The following FAF1 variants were observed in gnomAD, a reference collection of about 807,000 sequenced individuals.
The protein encoded by FAF1 is Fas associated factor 1.
FAF1 carries 25 observed loss-of-function variants against 92.5 expected under a neutral mutation model. The ratio of observed to expected loss-of-function variants is 0.27; its 90% CI spans 0.20 to 0.38. The LOEUF is 0.38. Among genes scored for constraint, FAF1 ranks in the 10% least tolerant of loss-of-function variants. The pLI, the probability that FAF1 is intolerant of heterozygous loss-of-function variation, is 1.00. For synonymous variants in FAF1, 234 were observed against 273.2 expected, an observed-to-expected ratio of 0.86 and a Z score of 1.42; for missense variants, 636 against 793.3, an observed-to-expected ratio of 0.80 and a Z score of 2.38.
intron 7 of FAF1, among the ~76,000 whole-genome samples, chr1:50,692,272 T>C (rs1656969107): frequency 6.6e-6 from 1 of 151,636 alleles, no homozygotes; most frequent in Non-Finnish European, 1.5e-5. Flanking sequence ...TGTGTGTGTG[T>C]GTGTGTGTGT....
intron 6 of FAF1, among the ~76,000 whole-genome samples, chr1:50,736,234 T>C (rs1659130322): frequency 6.6e-6 from 1 of 152,228 alleles, no homozygotes; most frequent in South Asian, 2.1e-4. Context: ...ACACTTAGAA[T>C]CATAATTATC....
chr1:50,530,504 G>C (rs75520406), intron 15 of FAF1, among the ~76,000 whole-genome samples: 1,894 of 151,770 alleles, frequency 0.012, 43 homozygotes, highest in African/African-American at 0.042. Flanking sequence ...GAAGGGTGGT[G>C]GGGGGAGGTG....
chr1:50,829,602 C>T (rs754348211), intron 2 of FAF1, among the ~76,000 whole-genome samples: 6 of 152,198 alleles, frequency 3.9e-5, no homozygotes, highest in South Asian at 2.1e-4. Context: ...GGATTAAAGG[C>T]AGTCAAAGGT....
intron 18 of FAF1, among the ~76,000 whole-genome samples, chr1:50,455,298 T>A (rs569484967): frequency 3.9e-5 from 6 of 152,376 alleles, no homozygotes; most frequent in Non-Finnish European, 7.3e-5. Flanking sequence ...AAACTGGTTC[T>A]GAATTATTAA....
intron 8 of FAF1, among the ~76,000 whole-genome samples, chr1:50,597,512 T>A (rs1352880562): frequency 2.0e-5 from 3 of 152,152 alleles, no homozygotes; most frequent in African/African-American, 7.2e-5. Flanking sequence ...AAAGCAGTAT[T>A]TGTAAATTAA....
chr1:50,775,837 A>C (rs1660938635), intron 4 of FAF1, among the ~76,000 whole-genome samples: 1 of 152,154 alleles, frequency 6.6e-6, no homozygotes, highest in African/African-American at 2.4e-5. Context: ...AGTCAGAAAA[A>C]AATTCTATCA....
At chr1:50,854,886 A>G (rs764024350) in intron 2 of FAF1, among the ~76,000 whole-genome samples, 3 of 151,806 alleles carry the variant, frequency 2.0e-5, no homozygotes, top group Non-Finnish European at 3.0e-5. Context: ...TTGAGTGCCA[A>G]CATGATGTTC....
intron 17 of FAF1, among the ~76,000 whole-genome samples, chr1:50,476,064 A>C (rs1330511225): frequency 6.6e-6 from 1 of 151,862 alleles, no homozygotes; most frequent in East Asian, 1.9e-4. Flanking sequence ...GACACACACA[A>C]ACAGAGATAT....
At chr1:50,526,256 T>C (rs1022185507) in intron 15 of FAF1, among the ~76,000 whole-genome samples, 1 of 151,848 alleles carries the variant, frequency 6.6e-6, no homozygotes, top group Admixed American at 6.6e-5. Context: ...GGCCTGCTCA[T>C]GGTGGCATGA....
rs182070026 is a variant in FAF1 at position 50,742,741 on chromosome 1, G to A, written c.459+1943C>T. The stretch of plus-strand genomic sequence containing the variant: ...TGAATGAATAAATAACTACAAAAGC[G>A]AACTCATTTTGGTGTTTTCTTTCTG... On this transcript the variant is annotated intron_variant, in intron 5 of 18. Transcript: ENST00000396153. 2.7e-3 allele frequency among the ~76,000 whole-genome samples: 406 copies of A among 152,178 alleles called. 3 individuals carry two copies. Among genetic ancestry groups the A allele is most frequent in the South Asian group, 0.016 (76 of 4,818 alleles).
chr1:50,660,376 T>C (rs1219949024), intron 7 of FAF1, among the ~76,000 whole-genome samples: 1 of 152,190 alleles, frequency 6.6e-6, no homozygotes. Context: ...TATCAAACTA[T>C]TGAAAAACTT....
At chr1:50,890,063 T>C (rs549630119) in intron 1 of FAF1, among the ~76,000 whole-genome samples, 21 of 152,328 alleles carry the variant, frequency 1.4e-4, no homozygotes, top group Admixed American at 1.2e-3. Flanking sequence ...ATTGGGTGCA[T>C]GTATATTTAG....
chr1:50,689,640 T>C (rs1271705900), intron 7 of FAF1, among the ~76,000 whole-genome samples: 1 of 152,114 alleles, frequency 6.6e-6, no homozygotes, highest in Admixed American at 6.5e-5. Context: ...AACATGTACA[T>C]GAATGTTCAC....
chr1:50,865,022 G>A (rs1644468451), intron 1 of FAF1, among the ~76,000 whole-genome samples: 1 of 152,110 alleles, frequency 6.6e-6, no homozygotes, highest in Non-Finnish European at 1.5e-5. Context: ...CAAAAAGTGG[G>A]CGAAGGACAT....
chr1:50,905,704 C>A (rs1398616548), intron 1 of FAF1, among the ~76,000 whole-genome samples: 2 of 152,176 alleles, frequency 1.3e-5, no homozygotes, highest in East Asian at 3.8e-4. Context: ...CTGTTAATAT[C>A]CTTCACCCAC....
At position 50,820,699 on chromosome 1, in the gene FAF1, GA is replaced by G. The variant is rs1644035391; in HGVS notation, c.115-19023del. Among the ~76,000 whole-genome samples, 3 of 152,144 alleles carry G rather than the reference GA, an allele frequency of 2.0e-5. No individual in the cohort carries two copies. In the South Asian group the frequency reaches 6.2e-4, roughly 31 times the overall value. ...ACCATTCTAACCTCTCTGTTGCTAT[GA>G]GTTTGACACTTTTAGGTTCTACATG... is the stretch of plus-strand genomic sequence containing the variant. On this transcript the variant is annotated intron_variant, in intron 2 of 18. Coordinates refer to ENST00000396153, the MANE Select transcript of FAF1 (RefSeq NM_007051.3).
chr1:50,661,051 T>C (rs1012506232), intron 7 of FAF1, among the ~76,000 whole-genome samples: 5 of 151,864 alleles, frequency 3.3e-5, no homozygotes, highest in African/African-American at 1.2e-4. Context: ...GGAGAAACAA[T>C]AGAAAAAAAT....
At chr1:50,510,781 A>G (rs530560471) in intron 15 of FAF1, among the ~76,000 whole-genome samples, 64 of 152,322 alleles carry the variant, frequency 4.2e-4, no homozygotes, top group African/African-American at 1.5e-3. Context: ...TTTTAAGGAC[A>G]TACATAAATG....
intron 9 of FAF1, among the ~76,000 whole-genome samples, chr1:50,589,611 C>T (rs1651406710): frequency 6.6e-6 from 1 of 152,236 alleles, no homozygotes; most frequent in South Asian, 2.1e-4. Flanking sequence ...CAAATATTTT[C>T]TCCCATTCTG....
Sources: allele counts gnomAD v4.1 joint callset (sites outside exome capture counted in the v4.1 genomes callset), GRCh38; gene constraint gnomAD v4.1.1; transcripts MANE v1.5; gene names NCBI Gene and HGNC (gene_info 2026-07-23, HGNC 2026-07-21).